The following SAE1 variants were observed in gnomAD, a reference collection of about 807,000 sequenced individuals.
The protein encoded by SAE1 is SUMO-activating enzyme subunit 1.
SAE1 carries 11 observed loss-of-function variants against 40.6 expected under a neutral mutation model. The ratio of observed to expected loss-of-function variants is 0.27; its 90% CI spans 0.17 to 0.45. SAE1 has a LOEUF of 0.45. Among genes scored for constraint, SAE1 ranks in the 20% least tolerant of loss-of-function variants. The pLI is 1.00. For missense variants in SAE1, 373 were observed against 427.3 expected, an observed-to-expected ratio of 0.87 and a Z score of 1.12; for synonymous variants, 155 against 154.3, an observed-to-expected ratio of 1.00 and a Z score of -0.03.
intron 5 of SAE1, among the ~76,000 whole-genome samples, chr19:47,157,415 C>G (rs1303496937): frequency 6.6e-6 from 1 of 152,094 alleles, no homozygotes; most frequent in Non-Finnish European, 1.5e-5. Flanking sequence ...TAAATCACAC[C>G]CTCTTACAAG....
rs116589235 is a variant in SAE1 at position 47,156,133 on chromosome 19, G to A, written c.627+920G>A. Among the ~76,000 whole-genome samples the A allele has an allele frequency of 1.9e-3, 292 of 151,824 alleles. 2 individuals are homozygous for A. Among genetic ancestry groups the A allele is most frequent in the African/African-American group, 6.6e-3 (272 of 41,388 alleles). On this transcript the variant is annotated intron_variant, in intron 5 of 8. Coordinates refer to ENST00000270225, the MANE Select transcript of SAE1 (RefSeq NM_005500.3). ...AAAAAAATGTAAAAATTTGTCTGGC[G>A]TGATGGTGAGCACCTGTAGGCCCAG...
intron 5 of SAE1, among the ~76,000 whole-genome samples, chr19:47,163,660 G>C (rs1460327854): frequency 6.6e-6 from 1 of 152,178 alleles, no homozygotes; most frequent in African/African-American, 2.4e-5. Context: ...TTGGGAGGCA[G>C]AGGTTGCAGT....
chr19:47,199,927 A>T (rs1327315186), intron 7 of SAE1, among the ~76,000 whole-genome samples: 1 of 150,800 alleles, frequency 6.6e-6, no homozygotes, highest in Non-Finnish European at 1.5e-5. Flanking sequence ...CTATGTTTAG[A>T]TGATGGCTTT....
At chr19:47,166,978 G>A (rs1022197358) in intron 5 of SAE1, among the ~76,000 whole-genome samples, 16 of 151,326 alleles carry the variant, frequency 1.1e-4, no homozygotes, top group African/African-American at 3.6e-4. Context: ...TTGAGACGGC[G>A]TCTCACCTTG....
chr19:47,152,168 A>G (rs902691583), intron 3 of SAE1, among the ~76,000 whole-genome samples: 7 of 152,206 alleles, frequency 4.6e-5, no homozygotes, highest in Non-Finnish European at 8.8e-5. Context: ...TCTTTTGACC[A>G]TGATCACAAA....
chr19:47,193,630 A>T (rs573364457), intron 6 of SAE1, among the ~76,000 whole-genome samples: 2 of 151,624 alleles, frequency 1.3e-5, no homozygotes, highest in African/African-American at 4.8e-5. Flanking sequence ...GAGACCAGGA[A>T]TTTTTCTATT....
At chr19:47,135,930 A>G in intron 1 of SAE1, among the ~76,000 whole-genome samples, 1 of 151,740 alleles carries the variant, frequency 6.6e-6, no homozygotes, top group East Asian at 1.9e-4. Flanking sequence ...CAGCCTCCCT[A>G]GTAGCTGGGA....
chr19:47,131,771 G>T (rs2058145314), intron 1 of SAE1, among the ~76,000 whole-genome samples: 1 of 147,262 alleles, frequency 6.8e-6, no homozygotes, highest in Non-Finnish European at 1.5e-5. Flanking sequence ...CGCGATCTCG[G>T]CTCACTGCAA....
intron 6 of SAE1, among the ~76,000 whole-genome samples, chr19:47,176,003 C>T (rs906447689): frequency 6.6e-6 from 1 of 152,172 alleles, no homozygotes; most frequent in Non-Finnish European, 1.5e-5. Context: ...CTTTGTTAAA[C>T]CCTTCCCATT....
At chr19:47,149,235 A>G (rs772619243) in intron 2 of SAE1, among the ~76,000 whole-genome samples, 64 of 147,208 alleles carry the variant, frequency 4.3e-4, no homozygotes, top group Non-Finnish European at 8.5e-4. Context: ...CAGTGGTGCA[A>G]TCGCAGCTCA....
chr19:47,140,068 G>T (rs1294557867), intron 1 of SAE1, among the ~76,000 whole-genome samples: 1 of 150,130 alleles, frequency 6.7e-6, no homozygotes, highest in African/African-American at 2.5e-5. Context: ...TTCCCGAGTA[G>T]CTGAGATTAC....
chr19:47,131,086 C>CG, intron 1 of SAE1, 58 bp downstream of exon 1: 1 of 1,462,064 alleles, frequency 6.8e-7, no homozygotes, highest in Non-Finnish European at 9.0e-7. Flanking sequence ...TATTCTGAGG[C>CG]GTTTGCGGCC....
rs1268071858 is a variant in SAE1 at position 47,131,163 on chromosome 19, C to G, written c.98+135C>G. On this transcript the variant is annotated intron_variant, in intron 1 of 8. Transcript: ENST00000270225. ...AATTCTGTGCTCTGGGATCGTCTCT[C>G]TCTTGGGGGGACTGGAGGAGTTGAT... 22 of 1,415,246 alleles carry G rather than the reference C, an allele frequency of 1.6e-5. 1 individual carries two copies. Among genetic ancestry groups the G allele is most frequent in the South Asian group, 1.5e-4 (10 of 64,900 alleles). 87.7% of individuals were successfully genotyped at this position (1,415,246 alleles called of 1,614,324 possible).
chr19:47,185,585 C>T (rs973398539), intron 6 of SAE1, among the ~76,000 whole-genome samples: 2 of 151,920 alleles, frequency 1.3e-5, no homozygotes, highest in Non-Finnish European at 2.9e-5. Flanking sequence ...GGATTACAGG[C>T]TGAGCTACTG....
At chr19:47,187,118 G>GGAAA (rs2058549268) in intron 6 of SAE1, among the ~76,000 whole-genome samples, 1 of 152,188 alleles carries the variant, frequency 6.6e-6, no homozygotes, top group African/African-American at 2.4e-5. Flanking sequence ...AACAGAATGA[G>GGAAA]GTAAACAAAG....
At chr19:47,172,869 A>C (rs2058443349) in intron 6 of SAE1, among the ~76,000 whole-genome samples, 1 of 152,000 alleles carries the variant, frequency 6.6e-6, no homozygotes, top group Admixed American at 6.6e-5. Context: ...TATCACCTTC[A>C]TCTCACAAAG....
At chr19:47,134,276 T>C (rs1387292357) in intron 1 of SAE1, among the ~76,000 whole-genome samples, 2 of 151,336 alleles carry the variant, frequency 1.3e-5, no homozygotes, top group East Asian at 3.9e-4. Flanking sequence ...AATGGAGGGG[T>C]TGGGGAGGCA....
chr19:47,137,275 C>T (rs1052302485), intron 1 of SAE1, among the ~76,000 whole-genome samples: 2 of 152,068 alleles, frequency 1.3e-5, no homozygotes, highest in South Asian at 2.1e-4. Flanking sequence ...GTAATCCCAA[C>T]TACTTGGGAG....
At chr19:47,158,948 G>A (rs2058340884) in intron 5 of SAE1, among the ~76,000 whole-genome samples, 3 of 152,086 alleles carry the variant, frequency 2.0e-5, no homozygotes, top group African/African-American at 2.4e-5. Flanking sequence ...TGTGAACATC[G>A]GGATCATTCT....
Sources: gnomAD v4.1 joint callset for allele counts (sites outside exome capture counted in the v4.1 genomes callset) on GRCh38, gnomAD v4.1.1 for gene constraint, MANE v1.5 for transcripts, NCBI Gene and HGNC (gene_info 2026-07-23, HGNC 2026-07-21) for gene names.